WWOX: variants seen among roughly 807,000 people sequenced by gnomAD.
WWOX encodes the protein WW domain containing oxidoreductase.
In WWOX, 69 loss-of-function variants were observed where a neutral mutation model predicts 46.2. That is an observed-to-expected ratio of 1.49 (90% CI 1.23 to 1.82). The LOEUF (loss-of-function observed/expected upper bound fraction) is 1.82, where lower values mean the gene tolerates loss of function less well. Ranked by LOEUF, WWOX falls within the 40% of genes most tolerant of loss-of-function variation. The probability of loss-of-function intolerance (pLI) is 0.00; values close to 1 mark genes in which losing one functional copy is unlikely to be tolerated. For missense variants in WWOX, 919 were observed against 542.6 expected, an observed-to-expected ratio of 1.69 and a Z score of -6.89; for synonymous variants, 359 against 202.6, an observed-to-expected ratio of 1.77 and a Z score of -6.56.
At chr16:78,467,907 G>C (rs6564563) in intron 8 of WWOX, among the ~76,000 whole-genome samples, 151,943 of 152,328 alleles carry the variant, frequency 1, 75,784 homozygotes, top group Middle Eastern at 1. Context: ...ATACTGATCA[G>C]CCTGGCTTCT....
chr16:78,369,333 C>A (rs897971839), intron 5 of WWOX, among the ~76,000 whole-genome samples: 2 of 151,200 alleles, frequency 1.3e-5, no homozygotes, highest in Non-Finnish European at 2.9e-5. Context: ...AAGTGTGAAG[C>A]AAGAGAAAAA....
intron 8 of WWOX, among the ~76,000 whole-genome samples, chr16:79,143,231 C>G (rs1172177142): frequency 6.6e-6 from 1 of 152,128 alleles, no homozygotes; most frequent in African/African-American, 2.4e-5. Flanking sequence ...CCCTGCTTCC[C>G]CCTCCTGGAT....
rs1230555412 is a variant in WWOX, at chr16:78,144,471, A to G, written c.410-19712A>G. On this transcript the variant is annotated intron_variant, in intron 4 of 8. Coordinates refer to ENST00000566780, the MANE Select transcript of WWOX (RefSeq NM_016373.4). ...TACACATATATATATATACACACAT[A>G]TATATATATATATATACACACACAC... Among the ~76,000 whole-genome samples, 45 of 33,584 alleles carry G rather than the reference A, an allele frequency of 1.3e-3. 9 individuals carry two copies. The highest frequency in any genetic ancestry group is 9.6e-3 in the Middle Eastern group (1 of 104). The allele number at this position is 33,584 out of a possible 152,430, so 22.0% of individuals were successfully genotyped here.
intron 5 of WWOX, among the ~76,000 whole-genome samples, chr16:78,319,663 A>C (rs1262094021): frequency 6.6e-6 from 1 of 152,188 alleles, no homozygotes; most frequent in Non-Finnish European, 1.5e-5. Flanking sequence ...GTCACATAGC[A>C]ATGGAAAAAT....
chr16:78,475,927 G>A (rs1445299689), intron 8 of WWOX, among the ~76,000 whole-genome samples: 2 of 152,174 alleles, frequency 1.3e-5, no homozygotes, highest in Non-Finnish European at 2.9e-5. Context: ...ATTAAAGAAT[G>A]TGTCTCTTAT....
intron 8 of WWOX, among the ~76,000 whole-genome samples, chr16:79,111,100 G>A (rs937144205): frequency 3.7e-4 from 57 of 152,086 alleles, no homozygotes; most frequent in African/African-American, 1.3e-3. Context: ...TTCACTGAAG[G>A]AGGGTGTCCC....
intron 8 of WWOX, among the ~76,000 whole-genome samples, chr16:79,209,994 G>C (rs1056471637): frequency 5.3e-5 from 8 of 152,216 alleles, no homozygotes; most frequent in African/African-American, 1.9e-4. Flanking sequence ...TGATAATGGA[G>C]GGAGATTGGG....
chr16:78,973,683 CA>C (rs1281477364), intron 8 of WWOX, among the ~76,000 whole-genome samples: 1 of 152,134 alleles, frequency 6.6e-6, no homozygotes, highest in African/African-American at 2.4e-5. Context: ...GCTCTTTTAA[CA>C]AATGAAAGTT....
intron 8 of WWOX, among the ~76,000 whole-genome samples, chr16:78,609,575 C>G (rs1036831638): frequency 1.3e-5 from 2 of 151,092 alleles, no homozygotes; most frequent in African/African-American, 4.9e-5. Flanking sequence ...CTCCTCATAC[C>G]CCTCCTAGGA....
At chr16:79,123,235 GC>G (rs1404680748) in intron 8 of WWOX, among the ~76,000 whole-genome samples, 1 of 152,140 alleles carries the variant, frequency 6.6e-6, no homozygotes, top group Non-Finnish European at 1.5e-5. Context: ...GATGGCAATT[GC>G]CTGACTCTGT....
chr16:78,865,256 A>AT (rs1055855311), intron 8 of WWOX, among the ~76,000 whole-genome samples: 2 of 151,668 alleles, frequency 1.3e-5, no homozygotes, highest in Non-Finnish European at 2.9e-5. Context: ...CTCTTCCTTT[A>AT]TTTTTTTCCC....
intron 8 of WWOX, among the ~76,000 whole-genome samples, chr16:78,654,063 G>A (rs185587301): frequency 2.5e-4 from 38 of 152,310 alleles, no homozygotes; most frequent in African/African-American, 9.1e-4. Context: ...TCGTCATATT[G>A]CTACTTAAAG....
chr16:78,913,703 C>G (rs960356056), intron 8 of WWOX, among the ~76,000 whole-genome samples: 4 of 151,664 alleles, frequency 2.6e-5, no homozygotes, highest in Admixed American at 6.6e-5. Context: ...GCTATGTTGC[C>G]CAGACTTGGG....
intron 8 of WWOX, chr16:78,895,882 T>G (rs1177185511): frequency 6.6e-6 from 1 of 152,172 alleles, no homozygotes; most frequent in Non-Finnish European, 1.5e-5. Flanking sequence ...TCATGAAACC[T>G]CAGTCATTCT....
At chr16:78,768,330 A>C (rs4887982) in intron 8 of WWOX, among the ~76,000 whole-genome samples, 145,932 of 148,234 alleles carry the variant, frequency 0.98, 71,901 homozygotes, top group African/African-American at 1. Context: ...TGGCTCATGC[A>C]TGTACTCCCA....
chr16:79,007,676 A>C (rs2047217023), intron 8 of WWOX, among the ~76,000 whole-genome samples: 1 of 152,256 alleles, frequency 6.6e-6, no homozygotes. Flanking sequence ...CACTGTTATC[A>C]GATGAAGAAG....
At chr16:78,174,583 C>G (rs960107477) in intron 5 of WWOX, among the ~76,000 whole-genome samples, 1 of 152,196 alleles carries the variant, frequency 6.6e-6, no homozygotes, top group Non-Finnish European at 1.5e-5. Context: ...AATCTTAACT[C>G]ATTCCGGCAT....
At chr16:78,452,807 T>C (rs1413847152) in intron 8 of WWOX, among the ~76,000 whole-genome samples, 1 of 151,126 alleles carries the variant, frequency 6.6e-6, no homozygotes, top group East Asian at 1.9e-4. Context: ...TCTTTCGATC[T>C]TTTTCTGTTT....
At chr16:79,125,871 T>C (rs1423394932) in intron 8 of WWOX, among the ~76,000 whole-genome samples, 2 of 152,238 alleles carry the variant, frequency 1.3e-5, no homozygotes, top group African/African-American at 2.4e-5. Flanking sequence ...GTTGAAATTA[T>C]CAAAGATTAT....
Sources: gnomAD v4.1 joint callset for allele counts (sites outside exome capture counted in the v4.1 genomes callset) on GRCh38, gnomAD v4.1.1 for gene constraint, MANE v1.5 for transcripts, NCBI Gene and HGNC (gene_info 2026-07-23, HGNC 2026-07-21) for gene names.